RAB27B: variants seen among roughly 807,000 people sequenced by gnomAD.
RAB27B encodes the protein RAB27B, member RAS oncogene family.
RAB27B carries 15 observed loss-of-function variants against 24.6 expected under a neutral mutation model. The observed-to-expected ratio is 0.61, with a 90% CI of 0.41 to 0.94. The LOEUF is 0.94. RAB27B is among the 40% of genes least tolerant of loss of function. RAB27B has a pLI of 0.00. For synonymous variants in RAB27B, 105 were observed against 92.5 expected, an observed-to-expected ratio of 1.14 and a Z score of -0.78; for missense variants, 261 against 266.8, an observed-to-expected ratio of 0.98 and a Z score of 0.15.
chr18:54,802,334 T>G, intron 2 of RAB27B, among the ~76,000 whole-genome samples: 1 of 152,118 alleles, frequency 6.6e-6, no homozygotes, highest in East Asian at 1.9e-4. Flanking sequence ...AGTTAGCCAG[T>G]GCTTGGGGTA....
At chr18:54,793,811 AGAG>A (rs1909329996) in intron 2 of RAB27B, among the ~76,000 whole-genome samples, 2 of 152,232 alleles carry the variant, frequency 1.3e-5, no homozygotes, top group African/African-American at 4.8e-5. Flanking sequence ...TTCGGGAAGC[AGAG>A]GAGAGAGGAT....
intron 1 of RAB27B, among the ~76,000 whole-genome samples, chr18:54,834,223 C>T (rs948662553): frequency 5.3e-5 from 8 of 152,104 alleles, no homozygotes; most frequent in Non-Finnish European, 1.0e-4. Flanking sequence ...GCAGGAAAAA[C>T]GTTTCTAGGT....
intron 4 of RAB27B, among the ~76,000 whole-genome samples, chr18:54,885,470 C>G (rs2145288675): frequency 6.6e-6 from 1 of 152,278 alleles, no homozygotes. Context: ...GCCAAACTGC[C>G]TCACATGCTA....
chr18:54,888,805 A>T (rs767843626), intron 5 of RAB27B, among the ~76,000 whole-genome samples: 3 of 152,210 alleles, frequency 2.0e-5, no homozygotes, highest in Non-Finnish European at 4.4e-5. Flanking sequence ...CATTGACTGT[A>T]TTCACACAAA....
chr18:54,848,818 T>C (rs1911327092), intron 1 of RAB27B, among the ~76,000 whole-genome samples: 1 of 152,132 alleles, frequency 6.6e-6, no homozygotes, highest in African/African-American at 2.4e-5. Context: ...AAAAGTAATG[T>C]AAACTCTTTA....
intron 1 of RAB27B, among the ~76,000 whole-genome samples, chr18:54,832,946 G>A (rs1910743743): frequency 1.3e-5 from 2 of 152,116 alleles, no homozygotes; most frequent in Non-Finnish European, 2.9e-5. Context: ...GAATTGAAAA[G>A]AGGCCCCCAG....
Position 54,877,699 on chromosome 18 carries a change from C to A in RAB27B, c.114C>A (p.Phe38Leu). ...RYTDNKFNPK[F>L]ITTVGIDFRE... Reference sequence around the variant, plus strand: ...CAGATAATAAATTCAATCCCAAATTCATCACTACAGTAGGAATAGACTTTC... The same window carrying A: ...CAGATAATAAATTCAATCCCAAATTAATCACTACAGTAGGAATAGACTTTC... The change falls in exon 2 of 6, where the codon TTC becomes TTA. Residue 38 changes from phenylalanine to leucine, a missense_variant. By Grantham distance (22) the Phe-to-Leu change is conservative. Coordinates refer to ENST00000262094, the MANE Select transcript of RAB27B (RefSeq NM_004163.4). 1 of 1,596,248 alleles carries A rather than the reference C, an allele frequency of 6.3e-7. No homozygotes were observed. Among genetic ancestry groups the A allele is most frequent in the Non-Finnish European group, 8.5e-7 (1 of 1,175,368 alleles).
At chr18:54,762,108 G>A (rs1050094624) in intron 2 of RAB27B, among the ~76,000 whole-genome samples, 4 of 152,164 alleles carry the variant, frequency 2.6e-5, no homozygotes, top group African/African-American at 4.8e-5. Context: ...AATTGGCAGC[G>A]TAAGATAGAT....
intron 2 of RAB27B, among the ~76,000 whole-genome samples, chr18:54,721,102 A>C (rs1306674606): frequency 6.6e-6 from 1 of 152,176 alleles, no homozygotes; most frequent in Non-Finnish European, 1.5e-5. Context: ...TCTCCAGAGA[A>C]AAGGTTTTGT....
chr18:54,877,344 A>G (rs1912742869), intron 1 of RAB27B, among the ~76,000 whole-genome samples: 1 of 152,134 alleles, frequency 6.6e-6, no homozygotes, highest in Non-Finnish European at 1.5e-5. Flanking sequence ...TATTTTGCAT[A>G]TTTTTCCGTA....
At chr18:54,758,587 G>T (rs1908078838) in intron 2 of RAB27B, among the ~76,000 whole-genome samples, 1 of 150,192 alleles carries the variant, frequency 6.7e-6, no homozygotes, top group African/African-American at 2.5e-5. Flanking sequence ...TGTGCAGTTG[G>T]TAGACAATGA....
intron 1 of RAB27B, 57 bp from the exon 2 acceptor site, chr18:54,877,510 A>G (rs1467442958): frequency 7.1e-6 from 9 of 1,262,068 alleles, no homozygotes; most frequent in Non-Finnish European, 6.2e-6. Flanking sequence ...ATTTTGATAT[A>G]AAGCAAAGGA....
intron 2 of RAB27B, among the ~76,000 whole-genome samples, chr18:54,788,534 C>T (rs1909158192): frequency 6.6e-6 from 1 of 152,162 alleles, no homozygotes; most frequent in African/African-American, 2.4e-5. Context: ...AACTCCTGAC[C>T]TCAAGTGCTC....
intron 1 of RAB27B, among the ~76,000 whole-genome samples, chr18:54,870,207 T>A (rs1044900675): frequency 8.5e-5 from 13 of 152,174 alleles, no homozygotes; most frequent in African/African-American, 2.6e-4. Context: ...AGATAAAATA[T>A]AAGAAACAGA....
rs991514364 is a variant in RAB27B, at chr18:54,817,040, A to G, written c.-19-60527A>G. Among the ~76,000 whole-genome samples, 4 of 152,264 alleles carry G rather than the reference A, an allele frequency of 2.6e-5. 1 individual carries two copies. The highest frequency in any genetic ancestry group is 2.0e-4 in the Admixed American group (3 of 15,290). ...CTTTTAATCATTTTCACAAATCTTTATTTCTAACGTTTTACATCTCAATTT... is the reference window on the plus strand; with the variant it reads ...CTTTTAATCATTTTCACAAATCTTTGTTTCTAACGTTTTACATCTCAATTT... On this transcript the variant is annotated intron_variant, in intron 2 of 4. Coordinates refer to the RAB27B transcript ENST00000586570.
chr18:54,871,471 G>T (rs1912461263), intron 1 of RAB27B, among the ~76,000 whole-genome samples: 1 of 152,176 alleles, frequency 6.6e-6, no homozygotes, highest in South Asian at 2.1e-4. Flanking sequence ...AAAGATAAAT[G>T]AGGAAATATT....
intron 2 of RAB27B, among the ~76,000 whole-genome samples, chr18:54,720,324 A>C (rs903623363): frequency 6.6e-6 from 1 of 152,114 alleles, no homozygotes; most frequent in Non-Finnish European, 1.5e-5. Context: ...ATACAGATTT[A>C]CTTGGTAGTG....
At chr18:54,756,301 G>T (rs1908004066) in intron 2 of RAB27B, among the ~76,000 whole-genome samples, 1 of 152,080 alleles carries the variant, frequency 6.6e-6, no homozygotes, top group African/African-American at 2.4e-5. Context: ...ACATTTCCTT[G>T]GAATCATTGC....
chr18:54,815,433 C>T (rs1910091764), intron 2 of RAB27B, among the ~76,000 whole-genome samples: 1 of 152,192 alleles, frequency 6.6e-6, no homozygotes, highest in Non-Finnish European at 1.5e-5. Context: ...CAATGATTCT[C>T]ATTTAACCAC....
Sources: allele counts gnomAD v4.1 joint callset (sites outside exome capture counted in the v4.1 genomes callset), GRCh38; gene constraint gnomAD v4.1.1; transcripts MANE v1.5; gene names NCBI Gene and HGNC (gene_info 2026-07-23, HGNC 2026-07-21).